DAB1: variants seen among roughly 807,000 people sequenced by gnomAD.
The protein encoded by DAB1 is disabled homolog 1.
A neutral mutation model predicts 64.6 loss-of-function variants in DAB1; 15 were observed. The observed-to-expected ratio is 0.23, with a 90% CI of 0.16 to 0.36. DAB1 has a LOEUF of 0.36. Ranked by LOEUF, DAB1 falls within the 10% of genes least tolerant of loss-of-function variation. DAB1 has a pLI of 1.00. For synonymous variants in DAB1, 235 were observed against 251.9 expected (o/e 0.93, Z 0.64); for missense variants, 596 against 706.7 (o/e 0.84, Z 1.78).
chr1:57,073,451 T>A (rs1321195166), intron 4 of DAB1, among the ~76,000 whole-genome samples: 1 of 152,204 alleles, frequency 6.6e-6, no homozygotes, highest in Non-Finnish European at 1.5e-5. Context: ...ATGTTCACCA[T>A]CCTATCGGGT....
intron 6 of DAB1, among the ~76,000 whole-genome samples, chr1:57,816,621 T>TCCA (rs1005272632): frequency 1.3e-5 from 2 of 152,226 alleles, no homozygotes; most frequent in African/African-American, 4.8e-5. Context: ...CATCAGCCAG[T>TCCA]GTGGATTAGG....
At chr1:57,589,101 G>A (rs914453237) in intron 7 of DAB1, among the ~76,000 whole-genome samples, 2 of 152,064 alleles carry the variant, frequency 1.3e-5, no homozygotes, top group African/African-American at 4.8e-5. Flanking sequence ...GCTAACACCT[G>A]TAATCCCAGC....
intron 2 of DAB1, among the ~76,000 whole-genome samples, chr1:57,208,232 T>C (rs1665745862): frequency 6.6e-6 from 1 of 150,486 alleles, no homozygotes; most frequent in East Asian, 2.2e-4. Context: ...TATACACTAA[T>C]TTCTAAGAGT....
At chr1:57,621,422 G>GA (rs1002972448) in intron 7 of DAB1, among the ~76,000 whole-genome samples, 2 of 151,728 alleles carry the variant, frequency 1.3e-5, no homozygotes, top group African/African-American at 4.8e-5. Context: ...CAGAACTCAT[G>GA]AACCCTCACT....
chr1:58,444,534 CTGAGGAG>C (rs766734732), intron 3 of DAB1, among the ~76,000 whole-genome samples: 52 of 152,316 alleles, frequency 3.4e-4, no homozygotes, highest in Non-Finnish European at 6.8e-4. Context: ...CTCACAGCAG[CTGAGGAG>C]TGTGTCCCAG....
intron 7 of DAB1, among the ~76,000 whole-genome samples, chr1:57,646,884 C>T (rs1461280688): frequency 6.6e-6 from 1 of 152,198 alleles, no homozygotes; most frequent in Non-Finnish European, 1.5e-5. Context: ...ATGTCTGCCT[C>T]GAACCCTTCT....
intron 5 of DAB1, among the ~76,000 whole-genome samples, chr1:57,946,233 T>C (rs536929732): frequency 9.8e-5 from 15 of 152,306 alleles, no homozygotes; most frequent in African/African-American, 3.1e-4. Context: ...AACAGAACTG[T>C]GTTTCCCCTT....
intron 6 of DAB1, among the ~76,000 whole-genome samples, chr1:57,720,571 G>A (rs1014773182): frequency 3.9e-5 from 6 of 152,184 alleles, no homozygotes; most frequent in African/African-American, 1.4e-4. Flanking sequence ...TGGCACCTGT[G>A]TATTGTTGGG....
intron 4 of DAB1, among the ~76,000 whole-genome samples, chr1:58,238,486 A>T (rs896688119): frequency 1.3e-5 from 2 of 152,182 alleles, no homozygotes; most frequent in Non-Finnish European, 2.9e-5. Context: ...AGAGGACCAG[A>T]TAGTAAACAG....
intron 7 of DAB1, among the ~76,000 whole-genome samples, chr1:57,536,282 G>A (rs995948942): frequency 3.3e-5 from 5 of 152,176 alleles, no homozygotes; most frequent in African/African-American, 1.2e-4. Context: ...ACTGATCCAT[G>A]AAAAACTTTG....
chr1:58,527,382 G>A (rs559898490), intron 1 of DAB1: 8 of 835,172 alleles, frequency 9.6e-6, no homozygotes, highest in Admixed American at 7.1e-5. Context: ...TTTATTTCAC[G>A]AAAAAAGGAG....
At position 57,411,098 on chromosome 1, in the gene DAB1, T is replaced by C. The variant is rs573751894; in HGVS notation, c.-137+12832A>G. 2.0e-5 allele frequency among the ~76,000 whole-genome samples: 3 copies of C among 152,280 alleles called. No individual in the cohort carries two copies. In the South Asian group the frequency reaches 6.2e-4, roughly 32 times the overall value. Reference sequence around the variant, plus strand: ...GGATACCAGAGAGACAGAGAGAGAATTGGCAGATAGTAATCACCAAATATC... The same window carrying C: ...GGATACCAGAGAGACAGAGAGAGAACTGGCAGATAGTAATCACCAAATATC... On this transcript the variant is annotated intron_variant, in intron 1 of 14. Transcript: ENST00000371236.
chr1:58,265,367 T>C lies in DAB1; in HGVS notation n.309+77985A>G, dbSNP rs560289972. On this transcript the variant is annotated intron_variant and non_coding_transcript_variant, in intron 4 of 20. Coordinates refer to the DAB1 transcript ENST00000485760. The stretch of plus-strand genomic sequence containing the variant: ...CAAACTTAAGAGGAGTCTCTTAGTG[T>C]AACTCTTTCAGTCTTCCTCACTGGC... Among the ~76,000 whole-genome samples the C allele has an allele frequency of 3.3e-5, 5 of 152,356 alleles. No homozygotes were observed. In the South Asian group the frequency reaches 1.0e-3, roughly 32 times the overall value.
chr1:58,215,673 G>C (rs1658814695), intron 4 of DAB1, among the ~76,000 whole-genome samples: 1 of 152,106 alleles, frequency 6.6e-6, no homozygotes, highest in Non-Finnish European at 1.5e-5. Context: ...TACTCCTTGA[G>C]GGGAGCCTCA....
intron 6 of DAB1, among the ~76,000 whole-genome samples, chr1:57,746,261 A>T (rs573723985): frequency 6.6e-6 from 1 of 152,314 alleles, no homozygotes; most frequent in Non-Finnish European, 1.5e-5. Context: ...GGTCATAGGA[A>T]TGCATATCCT....
intron 2 of DAB1, among the ~76,000 whole-genome samples, chr1:57,164,396 C>T (rs770218085): frequency 2.6e-5 from 4 of 152,016 alleles, no homozygotes; most frequent in East Asian, 3.9e-4. Flanking sequence ...GAGTAGACAC[C>T]TTTTGAGATA....
chr1:57,925,306 T>C (rs537531377), intron 5 of DAB1, among the ~76,000 whole-genome samples: 1 of 152,232 alleles, frequency 6.6e-6, no homozygotes, highest in South Asian at 2.1e-4. Context: ...TTCTATGTCA[T>C]GAGAACCTTT....
At chr1:57,370,278 G>C (rs1368207380) in intron 1 of DAB1, among the ~76,000 whole-genome samples, 2 of 152,160 alleles carry the variant, frequency 1.3e-5, no homozygotes, top group Non-Finnish European at 2.9e-5. Flanking sequence ...CAATAAAAGG[G>C]TGCAAAATAA....
chr1:57,910,868 T>C (rs1278931474), intron 5 of DAB1, among the ~76,000 whole-genome samples: 1 of 152,208 alleles, frequency 6.6e-6, no homozygotes, highest in East Asian at 1.9e-4. Flanking sequence ...AGGTGTGTGA[T>C]GGTGTGTAAG....
Sources: gnomAD v4.1 joint callset for allele counts (sites outside exome capture counted in the v4.1 genomes callset) on GRCh38, gnomAD v4.1.1 for gene constraint, MANE v1.5 for transcripts, NCBI Gene and HGNC (gene_info 2026-07-23, HGNC 2026-07-21) for gene names.